RTL9: variants seen among roughly 807,000 people sequenced by gnomAD.
RTL9 encodes retrotransposon Gag-like protein 9.
A neutral mutation model predicts 44.7 loss-of-function variants in RTL9; 19 were observed. The ratio of observed to expected loss-of-function variants is 0.42; its 90% CI spans 0.30 to 0.62. The LOEUF is 0.62. Among genes scored for constraint, RTL9 ranks in the 20% least tolerant of loss-of-function variants. RTL9 has a pLI of 0.16. For missense variants in RTL9, 1,105 were observed against 1,080.6 expected (o/e 1.02, Z -0.32); for synonymous variants, 407 against 398.9 (o/e 1.02, Z -0.24).
At chrX:110,427,001 G>GTTGTA (rs1439854034) in intron 1 of RTL9, among the ~76,000 whole-genome samples, 1 of 112,263 alleles carries the variant, frequency 8.9e-6, no homozygotes, top group Admixed American at 9.4e-5. Flanking sequence ...AAACCCAAGA[G>GTTGTA]TTGTAGTTCA....
intron 1 of RTL9, among the ~76,000 whole-genome samples, chrX:110,371,039 G>A (rs2068335075): frequency 9.0e-6 from 1 of 111,212 alleles, no homozygotes; most frequent in East Asian, 2.8e-4. Context: ...ATATGGCTCT[G>A]TCTGTATAAA....
At chrX:110,401,804 T>A (rs749028984) in intron 1 of RTL9, among the ~76,000 whole-genome samples, 1 of 112,033 alleles carries the variant, frequency 8.9e-6, no homozygotes, top group Non-Finnish European at 1.9e-5. Flanking sequence ...TAATAATAGT[T>A]CTCATCTCCT....
At chrX:110,399,366 G>C (rs773911994) in intron 1 of RTL9, among the ~76,000 whole-genome samples, 2 of 112,337 alleles carry the variant, frequency 1.8e-5, no homozygotes, top group Non-Finnish European at 3.8e-5. Flanking sequence ...ACCTACGCTG[G>C]TCTGGCTCCA....
At chrX:110,412,413 C>T (rs1414736494) in intron 1 of RTL9, among the ~76,000 whole-genome samples, 1 of 112,279 alleles carries the variant, frequency 8.9e-6, no homozygotes, top group Non-Finnish European at 1.9e-5. Flanking sequence ...TAATGACATA[C>T]TAAGCATTAC....
At chrX:110,409,325 C>G (rs1208427188) in intron 1 of RTL9, among the ~76,000 whole-genome samples, 2 of 111,333 alleles carry the variant, frequency 1.8e-5, no homozygotes, top group African/African-American at 6.5e-5. Context: ...CTACAGTCCT[C>G]TTATCTTGAG....
intron 1 of RTL9, among the ~76,000 whole-genome samples, chrX:110,429,866 T>A (rs1369762590): frequency 8.9e-6 from 1 of 112,764 alleles, no homozygotes; most frequent in Non-Finnish European, 1.9e-5. Context: ...AAAACTTATT[T>A]TATATTTTAT....
chrX:110,440,790 A>G (rs1211129009), intron 1 of RTL9, among the ~76,000 whole-genome samples: 1 of 112,386 alleles, frequency 8.9e-6, no homozygotes, highest in African/African-American at 3.2e-5. Flanking sequence ...CAGCTTCTTA[A>G]AAATCAACAG....
At chrX:110,369,189 G>T (rs1157508343) in intron 1 of RTL9, among the ~76,000 whole-genome samples, 4 of 110,596 alleles carry the variant, frequency 3.6e-5, no homozygotes, top group Middle Eastern at 4.7e-3. Flanking sequence ...AAAATTAACC[G>T]GGTGTGGTGG....
At chrX:110,416,815 G>A (rs1205960287), upstream of RTL9, among the ~76,000 whole-genome samples, 1 of 112,226 alleles carries the variant, frequency 8.9e-6, no homozygotes, top group Non-Finnish European at 1.9e-5. Context: ...AGGTGGCCCA[G>A]TGGTTAGAGC....
exon 1 of RTL9, chrX:110,453,586 C>T: frequency 8.2e-7 from 1 of 1,212,159 alleles, no homozygotes; most frequent in East Asian, 3.0e-5. Flanking sequence ...GCAACGTCCA[C>T]ATTGCAAACC....
At chrX:110,437,506 C>T (rs1025323837) in intron 1 of RTL9, among the ~76,000 whole-genome samples, 1 of 111,746 alleles carries the variant, frequency 8.9e-6, no homozygotes, top group African/African-American at 3.3e-5. Flanking sequence ...GAATTTGCAC[C>T]CAAGTGGTTT....
chrX:110,388,799 A>G lies in RTL9; in HGVS notation c.-168+29883A>G, dbSNP rs764496760. Among the ~76,000 whole-genome samples, 4 of 111,854 alleles carry G rather than the reference A, an allele frequency of 3.6e-5. No individual in the cohort carries two copies. In the South Asian group the frequency reaches 1.5e-3, roughly 43 times the overall value. ...TTTAAGAACCATTGCTCTGCCAAGT[A>G]GTTGGCTCAAGAGTAGCTAATTAGA... On this transcript the variant is annotated intron_variant, in intron 1 of 2. Transcript: ENST00000520821.
intron 1 of RTL9, among the ~76,000 whole-genome samples, chrX:110,392,460 T>A (rs2224818): frequency 0.012 from 1,354 of 110,634 alleles, 15 homozygotes; most frequent in Middle Eastern, 0.032. Context: ...TTATTTTTAT[T>A]TTTGTAGAGA....
chrX:110,372,499 C>CT (rs777775215), intron 1 of RTL9, among the ~76,000 whole-genome samples: 153 of 109,311 alleles, frequency 1.4e-3, no homozygotes, highest in East Asian at 4.6e-3. Context: ...CTGCTCCTTG[C>CT]TTTTTTTTTA....
At chrX:110,430,679 T>A (rs1236260448) in intron 1 of RTL9, among the ~76,000 whole-genome samples, 1 of 112,540 alleles carries the variant, frequency 8.9e-6, no homozygotes, top group African/African-American at 3.2e-5. Context: ...GTGTTGTCAG[T>A]TAACCCTTGT....
chrX:110,407,056 C>A (rs534173079), intron 1 of RTL9, among the ~76,000 whole-genome samples: 4 of 111,389 alleles, frequency 3.6e-5, no homozygotes, highest in African/African-American at 6.5e-5. Context: ...TCTGGTATTG[C>A]GCAAACGCTG....
chrX:110,427,047 C>T (rs1201182135), intron 1 of RTL9, among the ~76,000 whole-genome samples: 1 of 112,361 alleles, frequency 8.9e-6, no homozygotes, highest in Non-Finnish European at 1.9e-5. Context: ...TTCAGCCAGT[C>T]ACTAAGCCCT....
At chrX:110,399,141 A>G (rs2068547541) in intron 1 of RTL9, among the ~76,000 whole-genome samples, 1 of 112,054 alleles carries the variant, frequency 8.9e-6, no homozygotes, top group African/African-American at 3.3e-5. Context: ...TAACAACAAT[A>G]ATATAATACA....
chrX:110,372,506 TTTAAC>T (rs2068346320), intron 1 of RTL9, among the ~76,000 whole-genome samples: 2 of 111,727 alleles, frequency 1.8e-5, no homozygotes, highest in East Asian at 2.8e-4. Flanking sequence ...TTGCTTTTTT[TTTAAC>T]TTAACAACAC....
Sources: allele counts gnomAD v4.1 joint callset (sites outside exome capture counted in the v4.1 genomes callset), GRCh38; gene constraint gnomAD v4.1.1; transcripts MANE v1.5; gene names NCBI Gene and HGNC (gene_info 2026-07-23, HGNC 2026-07-21).